The following NRG4 variants were observed in gnomAD, a reference collection of about 807,000 sequenced individuals.
The protein encoded by NRG4 is neuregulin 4.
A neutral mutation model predicts 15.0 loss-of-function variants in NRG4; 10 were observed. The ratio of observed to expected loss-of-function variants is 0.67; its 90% CI spans 0.41 to 1.13. NRG4 has a LOEUF of 1.13. NRG4 is among the 50% of genes most tolerant of loss of function. NRG4 has a pLI of 0.00. For synonymous variants in NRG4, 41 were observed against 50.1 expected, an observed-to-expected ratio of 0.82 and a Z score of 0.77; for missense variants, 139 against 140.2, an observed-to-expected ratio of 0.99 and a Z score of 0.04.
chr15:76,018,653 C>T (rs554050959), intron 5 of NRG4, among the ~76,000 whole-genome samples: 20 of 152,316 alleles, frequency 1.3e-4, no homozygotes, highest in African/African-American at 3.8e-4. Context: ...GTATCACCAG[C>T]GGAGGCTGCA....
chr15:76,010,699 A>G (rs1168027183), intron 2 of NRG4, among the ~76,000 whole-genome samples: 1 of 152,128 alleles, frequency 6.6e-6, no homozygotes, highest in Non-Finnish European at 1.5e-5. Flanking sequence ...AAGATTATAA[A>G]ATTTTTCAGG....
At chr15:75,968,074 T>G (rs2032904901) in intron 3 of NRG4, among the ~76,000 whole-genome samples, 1 of 152,218 alleles carries the variant, frequency 6.6e-6, no homozygotes, top group Non-Finnish European at 1.5e-5. Context: ...CCCTCATTAC[T>G]GAGTGTGTGC....
chr15:76,034,437 C>T (rs1278196237), intron 5 of NRG4, among the ~76,000 whole-genome samples: 2 of 152,176 alleles, frequency 1.3e-5, no homozygotes, highest in Admixed American at 1.3e-4. Context: ...TCTGCTTTGT[C>T]ATTGCCCTCT....
At chr15:75,991,499 C>A (rs2034015284) in intron 3 of NRG4, among the ~76,000 whole-genome samples, 1 of 152,160 alleles carries the variant, frequency 6.6e-6, no homozygotes. Flanking sequence ...ATAGCCCAAC[C>A]TCTGTCCTGG....
At chr15:76,056,176 A>G (rs2036146586) in intron 2 of NRG4, among the ~76,000 whole-genome samples, 1 of 152,212 alleles carries the variant, frequency 6.6e-6, no homozygotes, top group South Asian at 2.1e-4. Context: ...GGCCGGGCGC[A>G]GTGGCTCACG....
At chr15:76,001,164 GTT>G (rs1238037489) in intron 3 of NRG4, among the ~76,000 whole-genome samples, 3 of 151,198 alleles carry the variant, frequency 2.0e-5, no homozygotes, top group Admixed American at 2.0e-4. Flanking sequence ...TTTTTGTTTT[GTT>G]TTGTTTGGTA....
chr15:75,974,406 A>G (rs965106918), intron 3 of NRG4, among the ~76,000 whole-genome samples: 5 of 152,018 alleles, frequency 3.3e-5, no homozygotes, highest in African/African-American at 9.7e-5. Context: ...GTCTTCTGCT[A>G]GCTTTTGAAT....
At chr15:76,027,286 A>G (rs1567118223) in intron 5 of NRG4, among the ~76,000 whole-genome samples, 1 of 152,108 alleles carries the variant, frequency 6.6e-6, no homozygotes, top group South Asian at 2.1e-4. Context: ...ATATTAGACA[A>G]AACAGATTTC....
intron 4 of NRG4, among the ~76,000 whole-genome samples, chr15:76,042,223 A>C (rs890694983): frequency 3.3e-5 from 5 of 152,138 alleles, no homozygotes; most frequent in Admixed American, 6.5e-5. Flanking sequence ...CCTACATTTA[A>C]AAAGTAGGAA....
chr15:75,996,898 T>C (rs768650461), intron 3 of NRG4, among the ~76,000 whole-genome samples: 4 of 152,154 alleles, frequency 2.6e-5, no homozygotes, highest in South Asian at 2.1e-4. Context: ...CAGAATTAGC[T>C]CTATATTTGG....
chr15:75,936,608 C>G (rs2030363116), downstream of NRG4: 2 of 151,586 alleles, frequency 1.3e-5, no homozygotes, highest in South Asian at 4.2e-4. Flanking sequence ...GAGTTTTGCT[C>G]TTGTTGCCCA....
upstream of NRG4, among the ~76,000 whole-genome samples, chr15:76,012,676 C>T (rs964490766): frequency 7.2e-5 from 11 of 151,888 alleles, no homozygotes; most frequent in African/African-American, 9.7e-5. Flanking sequence ...TAATTCAAGA[C>T]GTAGTGTAAG....
chr15:75,971,947 G>A (rs976272919), intron 3 of NRG4, among the ~76,000 whole-genome samples: 12 of 152,204 alleles, frequency 7.9e-5, no homozygotes, highest in African/African-American at 2.9e-4. Context: ...TCCCCACACT[G>A]TCTTCCACAA....
intron 3 of NRG4, among the ~76,000 whole-genome samples, chr15:75,968,114 T>G (rs1329006393): frequency 6.6e-6 from 1 of 152,206 alleles, no homozygotes; most frequent in African/African-American, 2.4e-5. Context: ...TGGAGACTTT[T>G]TGGGAAAAAC....
chr15:75,998,159 C>A (rs2034280154), intron 3 of NRG4, among the ~76,000 whole-genome samples: 1 of 152,176 alleles, frequency 6.6e-6, no homozygotes, highest in Non-Finnish European at 1.5e-5. Context: ...TCAACAGATA[C>A]TTACCGAAAA....
intron 5 of NRG4, among the ~76,000 whole-genome samples, chr15:76,031,931 C>T (rs926744884): frequency 6.6e-6 from 1 of 151,982 alleles, no homozygotes; most frequent in African/African-American, 2.4e-5. Context: ...TAAATGCTTT[C>T]AATGGTGAAA....
At chr15:75,990,975 C>T (rs9788676) in intron 3 of NRG4, among the ~76,000 whole-genome samples, 47,798 of 151,894 alleles carry the variant, frequency 0.31, 8,472 homozygotes, top group South Asian at 0.54. Flanking sequence ...CACACTCAGC[C>T]GGTAATTTTC....
At chr15:75,974,706 C>T (rs558662522) in intron 3 of NRG4, among the ~76,000 whole-genome samples, 2 of 152,276 alleles carry the variant, frequency 1.3e-5, no homozygotes, top group South Asian at 2.1e-4. Flanking sequence ...AATTTGGTTG[C>T]ACTGTGGTCT....
chr15:76,022,680 G>A lies in NRG4; in HGVS notation c.-56-11394C>T, dbSNP rs1457810863. On this transcript the variant is annotated intron_variant, in intron 5 of 8. Transcript: ENST00000563910. ...ATGTTTGTAGGAGGGCGGGATGGTG[G>A]GGAAAAGAATGGCAAGAATAGATAG... Among the ~76,000 whole-genome samples, 3 of 152,116 alleles carry A rather than the reference G, an allele frequency of 2.0e-5. No individual in the cohort carries two copies. In the East Asian group the frequency reaches 5.8e-4, roughly 29 times the overall value.
Sources: allele counts gnomAD v4.1 joint callset (sites outside exome capture counted in the v4.1 genomes callset), GRCh38; gene constraint gnomAD v4.1.1; transcripts MANE v1.5; gene names NCBI Gene and HGNC (gene_info 2026-07-23, HGNC 2026-07-21).